DDO: variants seen among roughly 807,000 people sequenced by gnomAD.
DDO encodes the protein D-aspartate oxidase, DDO.
Under a neutral mutation model 16.8 loss-of-function variants are expected in DDO, and 16 were observed. That is an observed-to-expected ratio of 0.95 (90% CI 0.65 to 1.45). The LOEUF is 1.45. DDO is among the 40% of genes most tolerant of loss of function. The pLI is 0.00. For missense variants in DDO, 429 were observed against 420.3 expected, an observed-to-expected ratio of 1.02 and a Z score of -0.18; for synonymous variants, 180 against 167.2, an observed-to-expected ratio of 1.08 and a Z score of -0.59.
At chr6:110,413,527 G>C in intron 1 of DDO, 61 bp from the exon 2 acceptor site, 7 of 1,569,008 alleles carry the variant, frequency 4.5e-6, no homozygotes, top group Non-Finnish European at 6.1e-6. Flanking sequence ...TCCAGACAAA[G>C]TTTGGTCTTG....
chr6:110,396,608 A>G (rs917261088), intron 4 of DDO, among the ~76,000 whole-genome samples: 3 of 152,264 alleles, frequency 2.0e-5, no homozygotes, highest in Admixed American at 6.5e-5. Context: ...CTTTGGGGCC[A>G]CAGAGAACCA....
chr6:110,396,949 T>A lies in DDO; in HGVS notation c.459-3607A>T, dbSNP rs146433422. 7.8e-3 allele frequency among the ~76,000 whole-genome samples: 1,181 copies of A among 152,342 alleles called. 15 individuals carry two copies. The highest frequency in any genetic ancestry group is 0.027 in the African/African-American group (1,136 of 41,582). On this transcript the variant is annotated intron_variant, in intron 4 of 4. Transcript: ENST00000368924. ...GTAAATTGGAGTTTTGTAGTAATAC[T>A]GAGCAGCATGTTTCTGTGTGTTTAT...
chr6:110,401,313 C>G (rs1364509773), intron 4 of DDO, among the ~76,000 whole-genome samples: 1 of 152,100 alleles, frequency 6.6e-6, no homozygotes, highest in Non-Finnish European at 1.5e-5. Flanking sequence ...CAATTTCTTT[C>G]TGCACTAAAT....
rs372969550 is a variant in DDO, at chr6:110,411,258, G to A, written c.172+2033C>T. ...TGAGCTCACTGGCAACAAGCCCTGT[G>A]CAAACACTCAGAAATTCCCATCTGC... On this transcript the variant is annotated intron_variant, in intron 2 of 4. Transcript: ENST00000368924. Among the ~76,000 whole-genome samples the A allele has an allele frequency of 1.4e-4, 22 of 152,190 alleles. No homozygotes were observed. The East Asian group carries it at 3.7e-3, about 25-fold the overall frequency.
intron 2 of DDO, among the ~76,000 whole-genome samples, chr6:110,411,044 T>C (rs764828313): frequency 3.0e-4 from 45 of 152,126 alleles, no homozygotes; most frequent in Non-Finnish European, 5.7e-4. Context: ...ACATGCAAAC[T>C]GGATGCTAGG....
intron 1 of DDO, 59 bp downstream of exon 1, chr6:110,415,408 C>T (rs1774014397): frequency 6.2e-7 from 1 of 1,604,560 alleles, no homozygotes; most frequent in Non-Finnish European, 8.5e-7. Context: ...CAGACACACT[C>T]CCAAACTCCC....
At chr6:110,406,857 A>G (rs750335474) in intron 3 of DDO, among the ~76,000 whole-genome samples, 23 of 152,110 alleles carry the variant, frequency 1.5e-4, no homozygotes, top group Non-Finnish European at 2.9e-4. Flanking sequence ...TTTCTTCTCC[A>G]GACATATGCT....
At chr6:110,388,905 C>A, downstream of DDO, 2 of 593,094 alleles carry the variant, frequency 3.4e-6, no homozygotes, top group Non-Finnish European at 4.2e-6. Context: ...CCCAGGAAGA[C>A]CTCAACTTAT....
At chr6:110,413,847 C>T (rs1392295964) in intron 1 of DDO, among the ~76,000 whole-genome samples, 1 of 152,138 alleles carries the variant, frequency 6.6e-6, no homozygotes, top group Non-Finnish European at 1.5e-5. Context: ...GATCTCGGCT[C>T]ACTGCAACCT....
chr6:110,400,306 G>C lies in DDO; in HGVS notation c.458+4468C>G, dbSNP rs182813351. On this transcript the variant is annotated intron_variant, in intron 4 of 4. Transcript: ENST00000368924. ...GCCCGGAGCTAAAACACTCTCTCTC[G>C]GAGTAGTGGGAGCTGGGAGGGTGCG... Among the ~76,000 whole-genome samples, 4 of 151,536 alleles carry C rather than the reference G, an allele frequency of 2.6e-5. No individual in the cohort carries two copies. The East Asian group carries it at 5.8e-4, about 22-fold the overall frequency.
chr6:110,393,112 T>C lies in DDO; in HGVS notation c.689A>G (p.His230Arg), dbSNP rs773575825. The C allele has an allele frequency of 2.0e-5, 32 of 1,613,820 alleles. No individual in the cohort carries two copies. The highest frequency in any genetic ancestry group is 2.5e-5 in the Non-Finnish European group (29 of 1,179,802). The part of the protein sequence containing the change: ...GLTYIYPGTS[H>R]VTLGGTRQKG... ...TTGCCTAGTTCCACCTAGGGTTACA[T>C]GGGATGTACCAGGATAAATATATGT... The change falls in exon 5 of 5, where the codon CAT becomes CGT. Residue 230 changes from histidine (H) to arginine (R), a missense_variant. Physicochemically the swap from His to Arg is conservative, Grantham distance 29. Coordinates refer to ENST00000368924, the MANE Select transcript of DDO (RefSeq NM_001372108.2).
rs573512980 is a variant in DDO, at chr6:110,395,712, G to A, written c.459-2370C>T. ...TAAAAAAGACAGAAACTTCTGCAAT[G>A]GTGGTCAATGATGGCATGGGTTTGA... On this transcript the variant is annotated intron_variant, in intron 4 of 4. Transcript: ENST00000368924. 3.3e-5 allele frequency among the ~76,000 whole-genome samples: 5 copies of A among 152,302 alleles called. 1 individual carries two copies. In the South Asian group the frequency reaches 1.0e-3, roughly 32 times the overall value.
At chr6:110,412,880 G>A (rs73763058) in intron 2 of DDO, among the ~76,000 whole-genome samples, 273 of 152,316 alleles carry the variant, frequency 1.8e-3, no homozygotes, top group African/African-American at 6.3e-3. Context: ...GCCAAGCATG[G>A]CGGCTGTAAT....
At chr6:110,395,156 T>C (rs1299666973) in intron 4 of DDO, among the ~76,000 whole-genome samples, 1 of 152,192 alleles carries the variant, frequency 6.6e-6, no homozygotes, top group African/African-American at 2.4e-5. Flanking sequence ...AGAAAAACAT[T>C]TAAATCAGTG....
Position 110,392,466 on chromosome 6 carries a change from T to G in DDO, c.*309A>C. The G allele has an allele frequency of 3.7e-6, 4 of 1,078,932 alleles. No homozygotes were observed. The highest frequency in any genetic ancestry group is 4.5e-6 in the Non-Finnish European group (4 of 892,026). 66.8% of individuals were successfully genotyped at this position (1,078,932 alleles called of 1,614,324 possible). On this transcript the variant is annotated 3_prime_UTR_variant, in exon 5 of 5. Coordinates refer to ENST00000368924, the MANE Select transcript of DDO (RefSeq NM_001372108.2). ...CCTATGCCATTAATGCTGGACTTCC[T>G]AAGTAAGCCTACATGTTGCATCATT...
In DDO at chr6:110,392,154, C is replaced by T. The variant is rs1240931487; in HGVS notation, c.*621G>A. On this transcript the variant is annotated 3_prime_UTR_variant, in exon 5 of 5. Transcript: ENST00000368924. ...ACTAGGAGCAAGCATGCTTTGTCTT[C>T]AATTAAATGTAATAATCCAGCACTG... 1.0e-6 allele frequency: 1 copy of T among 983,188 alleles called. No homozygotes were observed. Among genetic ancestry groups the T allele is most frequent in the African/African-American group, 1.7e-5 (1 of 57,304 alleles). The allele number at this position is 983,188 out of a possible 1,614,324, so 60.9% of individuals were successfully genotyped here.
chr6:110,400,345 G>GGGGA (rs1243266605), intron 4 of DDO, among the ~76,000 whole-genome samples: 8 of 150,136 alleles, frequency 5.3e-5, no homozygotes, highest in Non-Finnish European at 7.4e-5. Context: ...GAGCGGGCCG[G>GGGGA]GGCGGGGACT....
In DDO at chr6:110,393,357, C is replaced by A; in HGVS notation, c.459-15G>T. On this transcript the variant is annotated splice_polypyrimidine_tract_variant and intron_variant, in intron 4 of 4. Coordinates refer to ENST00000368924, the MANE Select transcript of DDO (RefSeq NM_001372108.2). ...TTCCCTTTATCCTACGGAAGAGAGG[C>A]CATGAAGTGAATATTTGTTAGCGAC... 2 of 1,558,972 alleles carry A rather than the reference C, an allele frequency of 1.3e-6. No homozygotes were observed. The highest frequency in any genetic ancestry group is 1.2e-5 in the South Asian group (1 of 84,906).
chr6:110,392,738 A>T lies in DDO; in HGVS notation c.*37T>A. ...TTGAACCTGTTCTGTGCTTTGATCAACAGTCTCTCAGTCTCTTTGCTGTCA... is the reference window on the plus strand; with the variant it reads ...TTGAACCTGTTCTGTGCTTTGATCATCAGTCTCTCAGTCTCTTTGCTGTCA... On this transcript the variant is annotated 3_prime_UTR_variant, in exon 5 of 5. Coordinates refer to ENST00000368924, the MANE Select transcript of DDO (RefSeq NM_001372108.2). The T allele has an allele frequency of 6.7e-7, 1 of 1,503,650 alleles. No homozygotes were observed. 93.1% of individuals were successfully genotyped at this position (1,503,650 alleles called of 1,614,324 possible).
Sources: allele counts gnomAD v4.1 joint callset (sites outside exome capture counted in the v4.1 genomes callset), GRCh38; gene constraint gnomAD v4.1.1; transcripts MANE v1.5; gene names NCBI Gene and HGNC (gene_info 2026-07-23, HGNC 2026-07-21).